The following NCOR2 variants were observed in gnomAD, a reference collection of about 807,000 sequenced individuals.
NCOR2 encodes nuclear receptor corepressor 2.
NCOR2 carries 81 observed loss-of-function variants against 262.9 expected under a neutral mutation model. The observed-to-expected ratio is 0.31, with a 90% confidence interval of 0.26 to 0.37. The LOEUF (loss-of-function observed/expected upper bound fraction) is 0.37. Ranked by LOEUF, NCOR2 falls within the 10% of genes least tolerant of loss-of-function variation. NCOR2 has a pLI of 1.00. For missense variants in NCOR2, 3,385 were observed against 3,621.4 expected (o/e 0.93, Z 1.68); for synonymous variants, 1,659 against 1,559.3 (o/e 1.06, Z -1.51).
At chr12:124,488,531 A>C (rs1316268999) in intron 1 of NCOR2, among the ~76,000 whole-genome samples, 1 of 152,202 alleles carries the variant, frequency 6.6e-6, no homozygotes, top group African/African-American at 2.4e-5. Context: ...AGCCTCCAGA[A>C]GGCAGAAAAG....
chr12:124,344,846 G>A, exon 32 of NCOR2: 1 of 1,567,842 alleles, frequency 6.4e-7, no homozygotes, highest in Non-Finnish European at 8.6e-7. Context: ...ACATCCAGCG[G>A]GTGCACGGGT....
chr12:124,335,848 G>C (rs2035833457), intron 38 of NCOR2: 1 of 562,484 alleles, frequency 1.8e-6, no homozygotes, highest in South Asian at 2.5e-5. Flanking sequence ...CAGAGCCCGG[G>C]ACAGAGACAG....
exon 31 of NCOR2, chr12:124,346,588 C>T (rs761641147): frequency 1.4e-4 from 217 of 1,571,182 alleles, no homozygotes; most frequent in Non-Finnish European, 1.6e-4. Flanking sequence ...CCTCCTTGAG[C>T]GGCCGCGGGG....
At chr12:124,555,511 G>A (rs1268365962) in intron 1 of NCOR2, among the ~76,000 whole-genome samples, 1 of 152,246 alleles carries the variant, frequency 6.6e-6, no homozygotes, top group African/African-American at 2.4e-5. Context: ...CCCCCCAAGC[G>A]TCCACTCCCC....
intron 1 of NCOR2, among the ~76,000 whole-genome samples, chr12:124,551,612 T>A (rs1848179086): frequency 6.6e-6 from 1 of 152,168 alleles, no homozygotes; most frequent in Admixed American, 6.5e-5. Flanking sequence ...TGGCCGCCTC[T>A]TTGCCCCCAA....
At chr12:124,442,753 A>G (rs2044889804) in intron 7 of NCOR2, among the ~76,000 whole-genome samples, 1 of 152,212 alleles carries the variant, frequency 6.6e-6, no homozygotes, top group Non-Finnish European at 1.5e-5. Flanking sequence ...CCTAAGCCCC[A>G]GCACCTCAAA....
intron 16 of NCOR2, among the ~76,000 whole-genome samples, chr12:124,397,372 G>T (rs2041746302): frequency 6.6e-6 from 1 of 152,170 alleles, no homozygotes; most frequent in Non-Finnish European, 1.5e-5. Flanking sequence ...CCAGAGGCAG[G>T]TCACTGTGCT....
rs188931035 is a variant in NCOR2, at chr12:124,460,209, C to T, written c.706-3047G>A. Among the ~76,000 whole-genome samples the T allele has an allele frequency of 3.2e-4, 49 of 152,360 alleles. 1 individual carries two copies. The highest frequency in any genetic ancestry group is 2.9e-3 in the Admixed American group (45 of 15,308). ...AGCAAGGTGCCTGCTCTGTTCTCTG[C>T]TGCACCCACAGTGCCTGGACAGTGT... On this transcript the variant is annotated intron_variant, in intron 5 of 46. Transcript: ENST00000405201.
chr12:124,479,579 G>A (rs1013285333), intron 3 of NCOR2, among the ~76,000 whole-genome samples: 7 of 152,012 alleles, frequency 4.6e-5, no homozygotes, highest in Admixed American at 2.0e-4. Flanking sequence ...GCACGCGCGC[G>A]CGCATGCACA....
At chr12:124,544,637 C>T (rs1426302994) in intron 1 of NCOR2, among the ~76,000 whole-genome samples, 4 of 152,206 alleles carry the variant, frequency 2.6e-5, no homozygotes, top group Non-Finnish European at 5.9e-5. Flanking sequence ...CCTCCACACC[C>T]GCCCGGGCCC....
At chr12:124,342,149 C>T in intron 33 of NCOR2, 75 bp from the exon 36 acceptor site, 6 of 1,486,502 alleles carry the variant, frequency 4.0e-6, no homozygotes, top group South Asian at 2.6e-5. Context: ...TGTCTGGATG[C>T]CCCCTACTTC....
At chr12:124,438,087 A>C in intron 7 of NCOR2, 91 bp from the exon 10 acceptor site, 1 of 1,268,070 alleles carries the variant, frequency 7.9e-7, no homozygotes, top group Non-Finnish European at 1.1e-6. Context: ...TGAGCCCCAA[A>C]TTTGCCCCGT....
rs138847179 is a variant in NCOR2, at chr12:124,516,153, G to A, written c.-118+19412C>T. 4.6e-3 allele frequency among the ~76,000 whole-genome samples: 694 copies of A among 152,334 alleles called. 19 individuals are homozygous for A. The highest frequency in any genetic ancestry group is 0.042 in the Admixed American group (645 of 15,310). On this transcript the variant is annotated intron_variant, in intron 1 of 46. Transcript: ENST00000404621. ...GCTGGTGCGGGGGGCCTGGACGCCC[G>A]GGGAACTCCCCACTGGCTCCTGCTG...
intron 28 of NCOR2, among the ~76,000 whole-genome samples, chr12:124,349,893 C>CT (rs1402790317): frequency 6.6e-6 from 1 of 152,182 alleles, no homozygotes; most frequent in Non-Finnish European, 1.5e-5. Context: ...GTCTCCAAGG[C>CT]TATCTCTGTG....
At chr12:124,563,978 A>G (rs942710902) in intron 1 of NCOR2, among the ~76,000 whole-genome samples, 5 of 152,248 alleles carry the variant, frequency 3.3e-5, no homozygotes, top group African/African-American at 7.2e-5. Flanking sequence ...TGGGCAAGTT[A>G]CTTAACCTCT....
intron 1 of NCOR2, among the ~76,000 whole-genome samples, chr12:124,490,685 TC>T (rs1475264858): frequency 6.6e-6 from 1 of 152,078 alleles, no homozygotes; most frequent in Non-Finnish European, 1.5e-5. Context: ...CTTCCAGTGA[TC>T]CCCACGCGCC....
At position 124,443,121 on chromosome 12, in the gene NCOR2, T is replaced by G. The variant is rs2044922375; in HGVS notation, c.816-5125A>C. ...GAAGAAAGTTCCTGCCATTTTCAGC[T>G]GCCCGGTTCACGGCCGAGTGTTAAG... On this transcript the variant is annotated intron_variant, in intron 7 of 46. Transcript: ENST00000405201. This position sits in a 1 kb window ranked among gnomAD's most constrained non-coding sequence, Gnocchi z 4.4. Among the ~76,000 whole-genome samples, 1 of 152,184 alleles carries G rather than the reference T, an allele frequency of 6.6e-6. No homozygotes were observed. Among genetic ancestry groups the G allele is most frequent in the Admixed American group, 6.5e-5 (1 of 15,278 alleles).
intron 6 of NCOR2, among the ~76,000 whole-genome samples, chr12:124,453,828 G>A (rs368583829): frequency 6.6e-6 from 1 of 152,222 alleles, no homozygotes; most frequent in Non-Finnish European, 1.5e-5. Context: ...TGGAGGGGCC[G>A]TGCCCCACCA....
chr12:124,342,191 G>T, intron 33 of NCOR2, 117 bp from the exon 36 acceptor site: 1 of 1,256,956 alleles, frequency 8.0e-7, no homozygotes. Context: ...ACCTACATGT[G>T]TGGCTGCCCA....
Sources: allele counts gnomAD v4.1 joint callset (sites outside exome capture counted in the v4.1 genomes callset), GRCh38; gene constraint gnomAD v4.1.1; non-coding constraint Gnocchi (gnomAD v3.1); transcripts MANE v1.5; gene names NCBI Gene and HGNC (gene_info 2026-07-23, HGNC 2026-07-21).